The following RBBP8 variants were observed in gnomAD, a reference collection of about 807,000 sequenced individuals.
RBBP8 encodes the protein RB binding protein 8, endonuclease, also known as DNA endonuclease RBBP8.
In RBBP8, 88 loss-of-function variants were observed where a neutral mutation model predicts 108.3. The ratio of observed to expected loss-of-function variants is 0.81; its 90% CI spans 0.68 to 0.97. RBBP8 has a LOEUF of 0.97. Among genes scored for constraint, RBBP8 ranks in the 50% least tolerant of loss-of-function variants. The pLI is 0.00. For synonymous variants in RBBP8, 332 were observed against 348.2 expected (o/e 0.95, Z 0.52); for missense variants, 1,023 against 1,049.0 (o/e 0.98, Z 0.34).
intron 16 of RBBP8, among the ~76,000 whole-genome samples, chr18:23,015,359 A>G (rs2046238211): frequency 6.6e-6 from 1 of 152,206 alleles, no homozygotes; most frequent in Non-Finnish European, 1.5e-5. Context: ...TTCATAATAC[A>G]GTATTCATTT....
intron 1 of RBBP8, chr18:22,934,193 T>A (rs1207396292): frequency 6.6e-6 from 1 of 152,288 alleles, no homozygotes; most frequent in Non-Finnish European, 1.5e-5. Flanking sequence ...TTGAAAAATG[T>A]ACATTGTCGT....
At chr18:22,981,668 T>G (rs1598701419) in intron 6 of RBBP8, among the ~76,000 whole-genome samples, 2 of 152,190 alleles carry the variant, frequency 1.3e-5, no homozygotes, top group African/African-American at 4.8e-5. Flanking sequence ...GTTCTTTCCT[T>G]TCCATATGTA....
rs1223803946 is a variant in RBBP8, at chr18:22,991,063, C to A, written c.920+14C>A. On this transcript the variant is annotated intron_variant, in intron 10 of 18. Coordinates refer to ENST00000327155, the MANE Select transcript of RBBP8 (RefSeq NM_002894.3). ...AGATAGTTTAAGGTAATTAAGGGCA[C>A]GTTGGTGAAAACTGATAAGCTATTG... is the stretch of plus-strand genomic sequence containing the variant. 6.4e-7 allele frequency: 1 copy of A among 1,562,586 alleles called. No individual in the cohort carries two copies. The highest frequency in any genetic ancestry group is 1.4e-5 in the African/African-American group (1 of 73,722).
At chr18:22,969,048 C>T (rs1465134318) in intron 5 of RBBP8, 130 bp downstream of exon 5, 1 of 704,140 alleles carries the variant, frequency 1.4e-6, no homozygotes, top group Non-Finnish European at 2.4e-6. Context: ...GTTCAAATGT[C>T]CTTTTTTGTA....
chr18:23,010,835 A>G (rs1425534077), intron 16 of RBBP8, among the ~76,000 whole-genome samples: 2 of 152,194 alleles, frequency 1.3e-5, no homozygotes, highest in Non-Finnish European at 2.9e-5. Context: ...GTGTAGTATC[A>G]GGGACAAGAA....
At chr18:23,013,204 G>C (rs1371242324) in intron 16 of RBBP8, among the ~76,000 whole-genome samples, 1 of 152,114 alleles carries the variant, frequency 6.6e-6, no homozygotes, top group African/African-American at 2.4e-5. Context: ...AATAATTGCA[G>C]AGTTAGTCAA....
intron 7 of RBBP8, among the ~76,000 whole-genome samples, chr18:22,984,231 T>C (rs1295381875): frequency 6.6e-6 from 1 of 152,242 alleles, no homozygotes; most frequent in African/African-American, 2.4e-5. Context: ...CTTTACCTTG[T>C]CCTTATTTTG....
At chr18:22,948,357 T>A (rs1319767201) in intron 3 of RBBP8, among the ~76,000 whole-genome samples, 2 of 151,956 alleles carry the variant, frequency 1.3e-5, no homozygotes, top group Non-Finnish European at 2.9e-5. Context: ...TTTCTAGAAG[T>A]AGTAGGAAAT....
At chr18:22,956,209 A>C (rs77993693) in intron 4 of RBBP8, among the ~76,000 whole-genome samples, 1 of 152,046 alleles carries the variant, frequency 6.6e-6, no homozygotes, top group Admixed American at 6.6e-5. Context: ...TTTTAGTTCT[A>C]TGTCATATGT....
intron 18 of RBBP8, among the ~76,000 whole-genome samples, chr18:23,023,633 T>C (rs1345911943): frequency 6.6e-6 from 1 of 152,174 alleles, no homozygotes; most frequent in Non-Finnish European, 1.5e-5. Flanking sequence ...ATTTCTGTGC[T>C]CAAGCTAGGA....
chr18:22,992,910 A>T lies in RBBP8; in HGVS notation c.1083A>T (p.Thr361=). ...CTGGGAAAAAAAAACATCTGAAAAC[A>T]CTCCCTTTTAGCAACACTTGTATAT... ...LQPGKKKHLK[T]LPFSNTCISR... is the part of the protein sequence containing the mutation. Residue 361 remains threonine (T), a synonymous_variant, in exon 11 of 19, where the codon ACA becomes ACT. Transcript: ENST00000327155. 6.2e-7 allele frequency: 1 copy of T among 1,613,900 alleles called. No individual in the cohort carries two copies.
In RBBP8 at chr18:23,026,191, A is replaced by C; in HGVS notation, c.2645A>C (p.Gln882Pro). The C allele has an allele frequency of 6.2e-7, 1 of 1,613,910 alleles. No individual in the cohort carries two copies. Among genetic ancestry groups the C allele is most frequent in the Non-Finnish European group, 8.5e-7 (1 of 1,179,852 alleles). The change falls in exon 19 of 19, where the codon CAG becomes CCG. Residue 882 changes from glutamine to proline, a missense_variant. Transcript: ENST00000327155. ...LDPCPRPKRR[Q>P]PYNAIFSPKG... ...CCTTGTCCTCGTCCAAAAAGACGTC[A>C]GCCTTACAACGCAATATTTTCTCCA...
At position 23,005,653 on chromosome 18, in the gene RBBP8, T is replaced by C. The variant is rs561087184; in HGVS notation, c.2288-710T>C. 1.1e-4 allele frequency among the ~76,000 whole-genome samples: 17 copies of C among 152,184 alleles called. 1 individual carries two copies. The highest frequency in any genetic ancestry group is 4.1e-4 in the African/African-American group (17 of 41,536). Reference sequence around the variant, plus strand: ...ATCTCAAACTCCTGACCTCAGGTGATCCACCCACCTCGGCCTCCCAAAGTG... The same window carrying C: ...ATCTCAAACTCCTGACCTCAGGTGACCCACCCACCTCGGCCTCCCAAAGTG... On this transcript the variant is annotated intron_variant, in intron 15 of 18. Coordinates refer to ENST00000327155, the MANE Select transcript of RBBP8 (RefSeq NM_002894.3).
At chr18:22,954,597 G>A (rs898526951) in intron 4 of RBBP8, among the ~76,000 whole-genome samples, 4 of 152,186 alleles carry the variant, frequency 2.6e-5, no homozygotes, top group Admixed American at 2.0e-4. Context: ...GGCTTTTCCA[G>A]GTGCACAGTG....
intron 1 of RBBP8, chr18:22,934,623 T>G (rs1284124932): frequency 6.6e-6 from 1 of 152,112 alleles, no homozygotes; most frequent in Non-Finnish European, 1.5e-5. Flanking sequence ...GCTGCACCCA[T>G]TAACTCGTCA....
intron 4 of RBBP8, among the ~76,000 whole-genome samples, chr18:22,952,114 T>C (rs1224432461): frequency 1.3e-5 from 2 of 152,162 alleles, no homozygotes; most frequent in African/African-American, 4.8e-5. Flanking sequence ...AGGAGTGAGA[T>C]TGGAAATCTA....
intron 16 of RBBP8, among the ~76,000 whole-genome samples, chr18:23,012,638 G>A (rs1598743809): frequency 1.3e-5 from 2 of 152,186 alleles, no homozygotes; most frequent in South Asian, 2.1e-4. Context: ...GAGGTTTAAG[G>A]AAAGAAGCCA....
chr18:22,943,864 T>C (rs537724777), intron 2 of RBBP8, among the ~76,000 whole-genome samples: 1 of 152,354 alleles, frequency 6.6e-6, no homozygotes, highest in East Asian at 1.9e-4. Flanking sequence ...GCCTCATTTC[T>C]GAACTCTTAA....
At chr18:23,019,924 GC>G (rs1598751674) in intron 17 of RBBP8, among the ~76,000 whole-genome samples, 2 of 151,470 alleles carry the variant, frequency 1.3e-5, no homozygotes, top group African/African-American at 4.8e-5. Flanking sequence ...ACCACGCCTG[GC>G]TAATTTTTTT....
Sources: gnomAD v4.1 joint callset for allele counts (sites outside exome capture counted in the v4.1 genomes callset) on GRCh38, gnomAD v4.1.1 for gene constraint, MANE v1.5 for transcripts, NCBI Gene and HGNC (gene_info 2026-07-23, HGNC 2026-07-21) for gene names.